Variants in LAMA3 observed in about 807,000 individuals in gnomAD.
The protein encoded by LAMA3 is laminin subunit alpha-3.
Under a neutral mutation model 402.0 loss-of-function variants are expected in LAMA3, and 281 were observed. The ratio of observed to expected loss-of-function variants is 0.70; its 90% confidence interval spans 0.63 to 0.77. The LOEUF (loss-of-function observed/expected upper bound fraction) is 0.77. Ranked by LOEUF, LAMA3 falls within the 30% of genes least tolerant of loss-of-function variation. The pLI, the probability that LAMA3 is intolerant of heterozygous loss-of-function variation, is 0.00. For synonymous variants in LAMA3, 1,431 were observed against 1,558.4 expected (o/e 0.92, Z 1.93); for missense variants, 3,840 against 4,215.5 (o/e 0.91, Z 2.47).
At chr18:23,809,285 G>A (rs781718862) in intron 12 of LAMA3, among the ~76,000 whole-genome samples, 7 of 152,188 alleles carry the variant, frequency 4.6e-5, no homozygotes, top group African/African-American at 1.7e-4. Context: ...TGATTGCAGG[G>A]CTGTTAAGTG....
At chr18:23,867,394 C>A (rs1401962505) in intron 36 of LAMA3, among the ~76,000 whole-genome samples, 2 of 151,638 alleles carry the variant, frequency 1.3e-5, no homozygotes, top group South Asian at 2.1e-4. Flanking sequence ...ACTAAAAATA[C>A]AAAAATAAGA....
chr18:23,769,513 A>G (rs1233953513), intron 8 of LAMA3, among the ~76,000 whole-genome samples: 1 of 152,266 alleles, frequency 6.6e-6, no homozygotes, highest in Non-Finnish European at 1.5e-5. Flanking sequence ...AAGGATATAT[A>G]TTGTAGTCCC....
At chr18:23,942,454 A>G (rs2082556480) in intron 68 of LAMA3, among the ~76,000 whole-genome samples, 1 of 152,218 alleles carries the variant, frequency 6.6e-6, no homozygotes, top group Non-Finnish European at 1.5e-5. Context: ...TTCCACACTC[A>G]TTAAATACTT....
chr18:23,894,805 C>A, intron 43 of LAMA3, 102 bp from the exon 44 acceptor site: 1 of 1,458,764 alleles, frequency 6.9e-7, no homozygotes, highest in Non-Finnish European at 9.6e-7. Context: ...TCACCCGTGA[C>A]GATCTGCGTG....
intron 2 of LAMA3, among the ~76,000 whole-genome samples, chr18:23,717,448 G>A (rs936211929): frequency 1.3e-5 from 2 of 151,630 alleles, no homozygotes; most frequent in Non-Finnish European, 2.9e-5. Flanking sequence ...CTGTTGTGAG[G>A]GTCTTGTTTT....
rs1390583945 is a variant in LAMA3, at chr18:23,777,584, C to T, written c.1433C>T (p.Pro478Leu). ...ATTCCCATTTTTCCTGTTTCTACAC[C>T]AAGTTCAGAAGATCCAGTAGCTGGA... ...LRIPIFPVST[P>L]SSEDPVAGDI... is the part of the protein sequence containing the mutation. The change falls in exon 11 of 75, where the codon CCA (proline) becomes CTA (leucine). Residue 478 changes from proline (P) to leucine (L), a missense_variant. By Grantham distance (98) the Pro-to-Leu change is moderately conservative. Coordinates refer to ENST00000313654, the MANE Select transcript of LAMA3 (RefSeq NM_198129.4). 2.5e-6 allele frequency: 4 copies of T among 1,611,552 alleles called. No individual in the cohort carries two copies. The African/African-American group carries it at 4.0e-5, about 16-fold the overall frequency.
chr18:23,861,621 C>T (rs777154254), intron 34 of LAMA3, 25 bp from the exon 35 acceptor site: 1 of 1,613,940 alleles, frequency 6.2e-7, no homozygotes, highest in African/African-American at 1.3e-5. Context: ...ACGTTTCCAT[C>T]CCTTGCTTCT....
At chr18:23,711,597 G>A (rs1010496001) in intron 1 of LAMA3, among the ~76,000 whole-genome samples, 21 of 152,164 alleles carry the variant, frequency 1.4e-4, no homozygotes, top group African/African-American at 4.8e-4. Flanking sequence ...AGAGTTACAG[G>A]GTAGTGTTAA....
rs757818912 is a variant in LAMA3 at position 23,915,369 on chromosome 18, C to A, written c.7725C>A (p.Tyr2575Ter). Reference sequence around the variant, plus strand: ...TCAATGAAAATGTTCTGAGCTTGTACAACTTCAAAAAAACATTCAATCTCA... The same window carrying A: ...TCAATGAAAATGTTCTGAGCTTGTAAAACTTCAAAAAAACATTCAATCTCA... ...DDLNENVLSLYNFKKTFNLNT... is the reference protein window; with the variant it reads ...DDLNENVLSL Residue 2575 changes from tyrosine (Y) to a stop codon, truncating the protein, a stop_gained, in exon 59 of 75, where the codon TAC becomes TAA. Coordinates refer to ENST00000313654, the MANE Select transcript of LAMA3 (RefSeq NM_198129.4). LOFTEE classifies it high-confidence loss of function. 6.2e-7 allele frequency: 1 copy of A among 1,613,544 alleles called. No homozygotes were observed. Among genetic ancestry groups the A allele is most frequent in the Admixed American group, 1.7e-5 (1 of 60,016 alleles).
intron 44 of LAMA3, among the ~76,000 whole-genome samples, chr18:23,895,319 T>C (rs1453427406): frequency 6.6e-6 from 1 of 152,218 alleles, no homozygotes; most frequent in Non-Finnish European, 1.5e-5. Flanking sequence ...GTATCTTGCA[T>C]TCAGAAGACT....
chr18:23,819,717 TC>T, intron 18 of LAMA3, 123 bp from the exon 19 acceptor site: 3 of 847,736 alleles, frequency 3.5e-6, no homozygotes, highest in African/African-American at 1.7e-5. Context: ...TTCTCATTTG[TC>T]CTTTATTTAA....
At chr18:23,834,833 A>G (rs1017137225) in intron 24 of LAMA3, 1 of 152,232 alleles carries the variant, frequency 6.6e-6, no homozygotes, top group Non-Finnish European at 1.5e-5. Flanking sequence ...ACAAATAAAC[A>G]AAAACTTATC....
intron 70 of LAMA3, 38 bp from the exon 71 acceptor site, chr18:23,949,727 T>G (rs2082836153): frequency 1.2e-6 from 2 of 1,609,062 alleles, no homozygotes; most frequent in Non-Finnish European, 1.7e-6. Flanking sequence ...TTCTTGGAGG[T>G]GTAGGTAATG....
At chr18:23,926,639 G>A (rs1206158246) in intron 62 of LAMA3, among the ~76,000 whole-genome samples, 1 of 152,168 alleles carries the variant, frequency 6.6e-6, no homozygotes, top group Non-Finnish European at 1.5e-5. Flanking sequence ...GCTGCATTAG[G>A]GATTTAGAAT....
At chr18:23,932,774 T>C (rs150005148) in intron 66 of LAMA3, among the ~76,000 whole-genome samples, 2 of 152,320 alleles carry the variant, frequency 1.3e-5, no homozygotes, top group East Asian at 3.9e-4. Context: ...TACAAAATTA[T>C]TGTTTTTAGA....
Position 23,892,298 on chromosome 18 carries a change from T to C in LAMA3, c.5411-2000T>C, listed in dbSNP as rs564233546. 9.7e-4 allele frequency among the ~76,000 whole-genome samples: 148 copies of C among 152,304 alleles called. 1 individual carries two copies. Among genetic ancestry groups the C allele is most frequent in the African/African-American group, 3.5e-3 (144 of 41,566 alleles). ...AAAAATCAGCAACATGAAATGAGGA[T>C]AGTAACTATTTGTTCCCAAAATGGA... On this transcript the variant is annotated intron_variant, in intron 42 of 74. Transcript: ENST00000313654.
chr18:23,752,111 G>A (rs1000747766), intron 5 of LAMA3, among the ~76,000 whole-genome samples: 7 of 152,158 alleles, frequency 4.6e-5, no homozygotes, highest in African/African-American at 1.4e-4. Flanking sequence ...AGAAAGGCAG[G>A]CACCTTGGGT....
intron 12 of LAMA3, among the ~76,000 whole-genome samples, chr18:23,808,525 TTCAA>T (rs1471130293): frequency 1.3e-5 from 2 of 152,190 alleles, no homozygotes; most frequent in African/African-American, 4.8e-5. Context: ...ACAGTAGGCC[TTCAA>T]TCAATGTCTG....
At chr18:23,757,615 G>T (rs1318902294) in intron 6 of LAMA3, among the ~76,000 whole-genome samples, 4 of 152,142 alleles carry the variant, frequency 2.6e-5, no homozygotes, top group African/African-American at 9.7e-5. Flanking sequence ...AGGTGAGAGA[G>T]AGAAGGCAGA....
Sources: allele counts gnomAD v4.1 joint callset (sites outside exome capture counted in the v4.1 genomes callset), GRCh38; gene constraint gnomAD v4.1.1; transcripts MANE v1.5; gene names NCBI Gene and HGNC (gene_info 2026-07-23, HGNC 2026-07-21).